The following APBB1 variants were observed in gnomAD, a reference collection of about 807,000 sequenced individuals.
APBB1 encodes amyloid beta precursor protein binding family B member 1, also known as adaptor protein FE65a2.
In APBB1, 22 loss-of-function variants were observed where a neutral mutation model predicts 78.4. The ratio of observed to expected loss-of-function variants is 0.28; its 90% CI spans 0.20 to 0.40. The LOEUF is 0.40. Among genes scored for constraint, APBB1 ranks in the 10% least tolerant of loss-of-function variants. The pLI, the probability that APBB1 is intolerant of heterozygous loss-of-function variation, is 1.00. For missense variants in APBB1, 749 were observed against 932.4 expected (o/e 0.80, Z 2.56); for synonymous variants, 369 against 372.7 (o/e 0.99, Z 0.12).
At chr11:6,409,566 G>A (rs184903587) in intron 2 of APBB1, among the ~76,000 whole-genome samples, 48 of 152,132 alleles carry the variant, frequency 3.2e-4, no homozygotes, top group Admixed American at 3.1e-3. Flanking sequence ...TGAGTTTTTC[G>A]AAAGGGGATG....
At chr11:6,412,442 C>T (rs763006710) in intron 1 of APBB1, among the ~76,000 whole-genome samples, 13 of 152,144 alleles carry the variant, frequency 8.5e-5, no homozygotes, top group South Asian at 2.1e-4. Context: ...TGAGCCACTG[C>T]GTCCGGCCCA....
intron 2 of APBB1, among the ~76,000 whole-genome samples, chr11:6,407,951 T>C (rs1848857126): frequency 6.6e-6 from 1 of 151,234 alleles, no homozygotes; most frequent in Non-Finnish European, 1.5e-5. Flanking sequence ...GGCTAATTTT[T>C]TGTATTTTTA....
At chr11:6,419,362 C>G (rs78500695), upstream of APBB1, 4,101 of 199,476 alleles carry the variant, frequency 0.021, 184 homozygotes, top group African/African-American at 0.087. Context: ...CGCCCCGCAG[C>G]GCCCTGGTCC....
Position 6,402,176 on chromosome 11 carries a change from T to A in APBB1, c.1288A>T (p.Thr430Ser). The A allele has an allele frequency of 1.9e-6, 3 of 1,614,030 alleles. No individual in the cohort carries two copies. Among genetic ancestry groups the A allele is most frequent in the Non-Finnish European group, 2.5e-6 (3 of 1,179,998 alleles). Residue 430 changes from threonine to serine, a missense_variant, in exon 8 of 15, where the codon ACA (threonine) becomes TCA (serine). By Grantham distance (58) the Thr-to-Ser change is moderately conservative. Transcript: ENST00000609360. ...CTCTGTGGCTCCACTAGCTTTAGTG[T>A]CTCATCCTCCAGCTGCAGTAGCAGA... ...KDLLLQLEDE[T>S]LKLVEPQSQA...
At position 6,401,955 on chromosome 11, in the gene APBB1, A is replaced by G; in HGVS notation, c.1388+22T>C. 13 of 1,556,238 alleles carry G rather than the reference A, an allele frequency of 8.4e-6. No individual in the cohort carries two copies. The highest frequency in any genetic ancestry group is 1.1e-5 in the Non-Finnish European group (13 of 1,152,856). ...TCCAGGCATCTGGTCCAGGTGTAGG[A>G]GGGGGAAAATAGGCATAGTACCTCT... On this transcript the variant is annotated intron_variant, in intron 9 of 14. Transcript: ENST00000609360. The surrounding 1 kb of genome is among the most constrained non-coding windows in gnomAD (Gnocchi z 4.5).
rs1848666712 is a variant in APBB1 at position 6,403,855 on chromosome 11, T to C, written c.722-33A>G. The stretch of plus-strand genomic sequence containing the variant: ...GTGGGAGGCTTGGTGAGGGTCAGCC[T>C]ACCCAAAGAGCAGACAGCTGGTGCC... On this transcript the variant is annotated intron_variant, in intron 2 of 14. Transcript: ENST00000609360. This position sits in a 1 kb window ranked among gnomAD's most constrained non-coding sequence, Gnocchi z 5.3. 2 of 1,522,294 alleles carry C rather than the reference T, an allele frequency of 1.3e-6. No homozygotes were observed. Among genetic ancestry groups the C allele is most frequent in the African/African-American group, 2.8e-5 (2 of 71,942 alleles). 94.3% of individuals were successfully genotyped at this position (1,522,294 alleles called of 1,614,324 possible). A position where few individuals can be genotyped will look rare whatever the true frequency, so the allele number is the denominator to read the frequency against.
At chr11:6,406,434 C>A (rs1365572667) in intron 2 of APBB1, among the ~76,000 whole-genome samples, 1 of 151,944 alleles carries the variant, frequency 6.6e-6, no homozygotes, top group East Asian at 1.9e-4. Context: ...AACATCATAA[C>A]TGGTCTTTCT....
intron 2 of APBB1, among the ~76,000 whole-genome samples, chr11:6,407,108 G>T (rs573272372): frequency 6.6e-6 from 1 of 152,272 alleles, no homozygotes; most frequent in Admixed American, 6.5e-5. Context: ...TATAATTTTT[G>T]CTCAATTCTA....
At chr11:6,415,074 G>A (rs1564948733) in intron 1 of APBB1, among the ~76,000 whole-genome samples, 1 of 152,212 alleles carries the variant, frequency 6.6e-6, no homozygotes, top group Non-Finnish European at 1.5e-5. Context: ...CTGAGGTGGT[G>A]TGGTCACCAA....
At chr11:6,412,839 T>C (rs4758104) in intron 1 of APBB1, among the ~76,000 whole-genome samples, 105,811 of 151,922 alleles carry the variant, frequency 0.7, 38,432 homozygotes, top group African/African-American at 0.92. Context: ...TACTATGCCT[T>C]ATGGTGCCCC....
chr11:6,413,465 G>A (rs1414783509), intron 1 of APBB1, among the ~76,000 whole-genome samples: 1 of 152,078 alleles, frequency 6.6e-6, no homozygotes, highest in Non-Finnish European at 1.5e-5. Context: ...TCAGCGCTGA[G>A]CACAGGTCTT....
In APBB1 at chr11:6,402,103, C is replaced by T; in HGVS notation, c.1361G>A (p.Gly454Asp). 6.2e-7 allele frequency: 1 copy of T among 1,614,032 alleles called. No individual in the cohort carries two copies. The highest frequency in any genetic ancestry group is 1.1e-5 in the South Asian group (1 of 91,072). Residue 454 changes from glycine (G) to aspartate (D), a missense_variant, in exon 8 of 15, where the codon GGC (glycine) becomes GAC (aspartate). Physicochemically the swap from Gly to Asp is moderately conservative, Grantham distance 94. Coordinates refer to ENST00000609360, the MANE Select transcript of APBB1 (RefSeq NM_001164.5). The part of the protein sequence containing the change: ...AQPIISIRVW[G>D]VGRDSGRERD... ...CCACCTTCCACTGTCCCGCCCGACG[C>T]CCCACACGCGGATGCTGATGATGGG...
At chr11:6,408,449 GTT>G (rs2134095516) in intron 2 of APBB1, among the ~76,000 whole-genome samples, 1 of 152,076 alleles carries the variant, frequency 6.6e-6, no homozygotes, top group African/African-American at 2.4e-5. Flanking sequence ...GAGAACAGGA[GTT>G]CAAGACCAGC....
intron 2 of APBB1, among the ~76,000 whole-genome samples, chr11:6,406,586 C>T (rs1412193105): frequency 6.6e-6 from 1 of 152,172 alleles, no homozygotes; most frequent in African/African-American, 2.4e-5. Flanking sequence ...CCAAATTCCT[C>T]CCCAGGTTTT....
rs766304834 is a variant in APBB1 at position 6,403,526 on chromosome 11, C to T, written c.916G>A (p.Ala306Thr). Residue 306 changes from alanine to threonine, a missense_variant, in exon 4 of 15, where the codon GCT becomes ACT. Physicochemically the swap from Ala to Thr is moderately conservative, Grantham distance 58 (BLOSUM62 0). Transcript: ENST00000609360. The surrounding 1 kb of genome is among the most constrained non-coding windows in gnomAD (Gnocchi z 5.3). ...EESQLTWTGF[A>T]HGEGFEDGEF... ...CCATCCTCAAAGCCTTCTCCATGAGCAAAACCTGTCCAGGTGAGCTAGGAG... is the reference window on the plus strand; with the variant it reads ...CCATCCTCAAAGCCTTCTCCATGAGTAAAACCTGTCCAGGTGAGCTAGGAG... 3 of 1,614,238 alleles carry T rather than the reference C, an allele frequency of 1.9e-6. No individual in the cohort carries two copies. The Admixed American group carries it at 5.0e-5, about 27-fold the overall frequency.
chr11:6,417,686 T>C (rs1849155594), intron 1 of APBB1, among the ~76,000 whole-genome samples: 1 of 152,096 alleles, frequency 6.6e-6, no homozygotes, highest in Admixed American at 6.6e-5. Context: ...TTGGTGGCAG[T>C]GAGGAAAGAG....
chr11:6,417,269 C>G (rs1849143569), intron 1 of APBB1, among the ~76,000 whole-genome samples: 1 of 152,178 alleles, frequency 6.6e-6, no homozygotes, highest in African/African-American at 2.4e-5. Context: ...TACTCATCCA[C>G]TATATTTTAG....
chr11:6,403,172 G>C lies in APBB1; in HGVS notation c.1077C>G (p.Pro359=), dbSNP rs146910788. The change falls in exon 6 of 15, where the codon CCC becomes CCG. Residue 359 remains proline, a synonymous_variant. Coordinates refer to ENST00000609360, the MANE Select transcript of APBB1 (RefSeq NM_001164.5). This position sits in a 1 kb window ranked among gnomAD's most constrained non-coding sequence, Gnocchi z 5.3. ...EPLPQEEEKL[P]PRNTNPGIKC... Reference sequence around the variant, plus strand: ...TGATCCCTGGGTTGGTATTCCGTGGGGGAAGCTTCTCCTCCTCTTGGGGCA... The same window carrying C: ...TGATCCCTGGGTTGGTATTCCGTGGCGGAAGCTTCTCCTCCTCTTGGGGCA... 75 of 1,613,222 alleles carry C rather than the reference G, an allele frequency of 4.6e-5. 1 individual carries two copies. Among genetic ancestry groups the C allele is most frequent in the Non-Finnish European group, 6.1e-5 (72 of 1,179,722 alleles).
At chr11:6,415,656 C>T (rs1318985879) in intron 1 of APBB1, among the ~76,000 whole-genome samples, 1 of 152,134 alleles carries the variant, frequency 6.6e-6, no homozygotes, top group Non-Finnish European at 1.5e-5. Flanking sequence ...GGCTGATCTC[C>T]CCTCCTGATT....
Sources: gnomAD v4.1 joint callset for allele counts (sites outside exome capture counted in the v4.1 genomes callset) on GRCh38, gnomAD v4.1.1 for gene constraint, Gnocchi (gnomAD v3.1) non-coding constraint, MANE v1.5 for transcripts, NCBI Gene and HGNC (gene_info 2026-07-23, HGNC 2026-07-21) for gene names.